NUP54: variants seen among roughly 807,000 people sequenced by gnomAD.
NUP54 encodes the protein nucleoporin 54, also known as nucleoporin p54.
NUP54 carries 27 observed loss-of-function variants against 66.4 expected under a neutral mutation model. The observed-to-expected ratio is 0.41, with a 90% CI of 0.30 to 0.56. The LOEUF is 0.56. Among genes scored for constraint, NUP54 ranks in the 20% least tolerant of loss-of-function variants. The pLI is 0.34. For synonymous variants in NUP54, 206 were observed against 210.7 expected (o/e 0.98, Z 0.19); for missense variants, 486 against 596.3 (o/e 0.82, Z 1.93).
At chr4:76,117,568 C>G in intron 11 of NUP54, 96 bp downstream of exon 11, 1 of 740,614 alleles carries the variant, frequency 1.4e-6, no homozygotes, top group East Asian at 2.6e-5. Context: ...TCTCCACATT[C>G]TCACTAACAC....
At chr4:76,120,712 C>A (rs1730199566) in intron 9 of NUP54, among the ~76,000 whole-genome samples, 1 of 152,286 alleles carries the variant, frequency 6.6e-6, no homozygotes, top group East Asian at 1.9e-4. Context: ...CAGGCGTGAG[C>A]CACTGCGCCC....
Position 76,148,371 on chromosome 4 carries a change from C to A in NUP54, c.4G>T (p.Ala2Ser). The change falls in exon 1 of 12, where the codon GCC (alanine) becomes TCC (serine). Residue 2 changes from alanine to serine, a missense_variant. Ala to Ser is a moderately conservative substitution (Grantham distance 99, BLOSUM62 1). Coordinates refer to ENST00000264883, the MANE Select transcript of NUP54 (RefSeq NM_017426.4). ...CCCGAGGGAGCCCCAAAATTGAAGG[C>A]CATGTCGCGAAAGCAGGAGACCAAG... M[A>S]FNFGAPSGTS... 6.5e-7 allele frequency: 1 copy of A among 1,541,544 alleles called. No homozygotes were observed.
intron 11 of NUP54, 138 bp from the exon 12 acceptor site, chr4:76,115,632 C>A: frequency 8.1e-6 from 4 of 491,916 alleles, no homozygotes; most frequent in Non-Finnish European, 1.4e-5. Context: ...AGAGGGCATG[C>A]ATATTTAAAC....
intron 9 of NUP54, among the ~76,000 whole-genome samples, chr4:76,119,792 A>G (rs1465684108): frequency 6.6e-6 from 1 of 152,140 alleles, no homozygotes; most frequent in Non-Finnish European, 1.5e-5. Context: ...ACTCTGTTAA[A>G]AACAGTGCAA....
At position 76,144,300 on chromosome 4, in the gene NUP54, T is replaced by C; in HGVS notation, c.152-8A>G. ...GAGTACCACCAAAGAGTCCTTTGAATGAAAAATTGGAACTTCGTAAGTTAA... is the reference window on the plus strand; with the variant it reads ...GAGTACCACCAAAGAGTCCTTTGAACGAAAAATTGGAACTTCGTAAGTTAA... On this transcript the variant is annotated splice_polypyrimidine_tract_variant and splice_region_variant and intron_variant, in intron 2 of 11. Transcript: ENST00000264883. 1 of 1,592,608 alleles carries C rather than the reference T, an allele frequency of 6.3e-7. No homozygotes were observed. The highest frequency in any genetic ancestry group is 2.2e-5 in the East Asian group (1 of 44,522).
At chr4:76,130,878 A>G (rs62300572) in intron 7 of NUP54, 129 bp from the exon 8 acceptor site, 97,036 of 659,158 alleles carry the variant, frequency 0.15, 8,275 homozygotes, top group East Asian at 0.35. Context: ...ATCTATGACT[A>G]TGAGATAACC....
chr4:76,117,847 G>T, intron 10 of NUP54, 73 bp from the exon 11 acceptor site: 1 of 1,303,952 alleles, frequency 7.7e-7, no homozygotes, highest in Non-Finnish European at 1.1e-6. Context: ...CTTCTGAAAG[G>T]ATGGTTTCAA....
intron 9 of NUP54, among the ~76,000 whole-genome samples, chr4:76,119,731 T>G (rs1730144135): frequency 6.6e-6 from 1 of 152,060 alleles, no homozygotes; most frequent in South Asian, 2.1e-4. Flanking sequence ...TCTAAAGCAG[T>G]GGCCTCTAAA....
chr4:76,128,762 T>A (rs1730652125), intron 8 of NUP54, among the ~76,000 whole-genome samples: 1 of 152,174 alleles, frequency 6.6e-6, no homozygotes, highest in Non-Finnish European at 1.5e-5. Flanking sequence ...TGAAAAAGAA[T>A]GAAGTGCTAC....
chr4:76,124,543 T>C (rs1215650970), intron 9 of NUP54, 106 bp downstream of exon 9: 7 of 448,082 alleles, frequency 1.6e-5, no homozygotes, highest in African/African-American at 1.0e-4. Flanking sequence ...TTTCACATTA[T>C]TCTTTCATTT....
chr4:76,141,624 T>C (rs1173584565), intron 3 of NUP54, among the ~76,000 whole-genome samples: 1 of 152,216 alleles, frequency 6.6e-6, no homozygotes, highest in East Asian at 1.9e-4. Context: ...CTGCCTTAAT[T>C]CAGGTCTTCA....
At chr4:76,124,087 CCTTT>C (rs1469810700) in intron 9 of NUP54, among the ~76,000 whole-genome samples, 27 of 151,834 alleles carry the variant, frequency 1.8e-4, no homozygotes, top group Admixed American at 1.7e-3. Context: ...GTACTAAGTT[CCTTT>C]ATTTTTCACA....
In NUP54 at chr4:76,145,363, T is replaced by C. The variant is rs984426837; in HGVS notation, c.68-890A>G. 1.1e-4 allele frequency among the ~76,000 whole-genome samples: 17 copies of C among 148,686 alleles called. 1 individual carries two copies. Among genetic ancestry groups the C allele is most frequent in the Admixed American group, 1.0e-3 (15 of 14,946 alleles). On this transcript the variant is annotated intron_variant, in intron 1 of 11. Transcript: ENST00000264883. ...AATTTATTGGTTTTTAAACCCTAAT[T>C]CAACTACTTTTTTTTGCAAGGAATT... is the stretch of plus-strand genomic sequence containing the variant.
rs372323816 is a variant in NUP54, at chr4:76,136,390, C to G, written c.318G>C (p.Gln106His). The G allele has an allele frequency of 7.8e-5, 126 of 1,613,356 alleles. No individual in the cohort carries two copies. Among genetic ancestry groups the G allele is most frequent in the Non-Finnish European group, 1.0e-4 (122 of 1,179,714 alleles). The part of the protein sequence containing the change: ...QQTTLGGLFS[Q>H]PTQAPTQSNQ... ...TGGACTGGGTAGGAGCTTGTGTAGGCTGACTGAAGAGACCACCTAATGCTA... is the reference window on the plus strand; with the variant it reads ...TGGACTGGGTAGGAGCTTGTGTAGGGTGACTGAAGAGACCACCTAATGCTA... The change falls in exon 4 of 12, where the codon CAG (glutamine) becomes CAC (histidine). Residue 106 changes from glutamine (Q) to histidine (H), a missense_variant. By Grantham distance (24) the Gln-to-His change is conservative. This residue lies in a region of NUP54 where 145 missense variants were observed against 137.1 expected (regional missense o/e 1.06). Transcript: ENST00000264883.
chr4:76,144,802 A>C (rs1337935622), intron 1 of NUP54, among the ~76,000 whole-genome samples: 1 of 152,230 alleles, frequency 6.6e-6, no homozygotes, highest in East Asian at 1.9e-4. Context: ...GTACTTTTAG[A>C]GGAGGTGTTG....
In NUP54 at chr4:76,117,784, A is replaced by C. The variant is rs776019180; in HGVS notation, c.1285-10T>G. 1 of 1,598,788 alleles carries C rather than the reference A, an allele frequency of 6.3e-7. No homozygotes were observed. Among genetic ancestry groups the C allele is most frequent in the African/African-American group, 1.3e-5 (1 of 74,746 alleles). ...ATTCATTTAGTCGGCCCTAAAAGTT[A>C]AGACTGAGTCAAATTACAACTGCCG... On this transcript the variant is annotated splice_polypyrimidine_tract_variant and intron_variant, in intron 10 of 11. Coordinates refer to ENST00000264883, the MANE Select transcript of NUP54 (RefSeq NM_017426.4).
chr4:76,125,575 C>T (rs556867163), intron 8 of NUP54, among the ~76,000 whole-genome samples: 1 of 121,590 alleles, frequency 8.2e-6, no homozygotes, highest in Admixed American at 9.4e-5. Context: ...TTTGAGGTTG[C>T]AGTGAGCCGT....
intron 9 of NUP54, 80 bp from the exon 10 acceptor site, chr4:76,118,274 G>C: frequency 7.8e-7 from 1 of 1,284,326 alleles, no homozygotes; most frequent in Non-Finnish European, 1.1e-6. Context: ...ATTAGTTACT[G>C]AAAGAAATCA....
At chr4:76,146,349 T>C (rs1462608684) in intron 1 of NUP54, among the ~76,000 whole-genome samples, 1 of 152,324 alleles carries the variant, frequency 6.6e-6, no homozygotes, top group East Asian at 1.9e-4. Flanking sequence ...AATTTCAAAG[T>C]AAGATTTCTG....
Sources: gnomAD v4.1 joint callset for allele counts (sites outside exome capture counted in the v4.1 genomes callset) on GRCh38, gnomAD v4.1.1 for gene constraint, gnomAD v4.1.1 regional missense constraint, MANE v1.5 for transcripts, NCBI Gene and HGNC (gene_info 2026-07-23, HGNC 2026-07-21) for gene names.